PTPN9: variants seen among roughly 807,000 people sequenced by gnomAD.
PTPN9 encodes protein tyrosine phosphatase non-receptor type 9.
In PTPN9, 26 loss-of-function variants were observed where a neutral mutation model predicts 69.8. That is an observed-to-expected ratio of 0.37 (90% confidence interval 0.27 to 0.52). PTPN9 has a LOEUF of 0.52. Among genes scored for constraint, PTPN9 ranks in the 20% least tolerant of loss-of-function variants. PTPN9 has a pLI of 0.91. For synonymous variants in PTPN9, 274 were observed against 272.5 expected (o/e 1.01, Z -0.05); for missense variants, 549 against 740.3 (o/e 0.74, Z 3.00).
rs1294453024 is a variant in PTPN9, at chr15:75,552,403, G to A, written c.64-25142C>T. On this transcript the variant is annotated intron_variant, in intron 1 of 12. Coordinates refer to ENST00000618819, the MANE Select transcript of PTPN9 (RefSeq NM_002833.4). ...GCCTGGGCAACAAGAGGGAAACTCC[G>A]TCTCAAAAAAACAAAACAAAACAAA... Among the ~76,000 whole-genome samples, 4 of 151,922 alleles carry A rather than the reference G, an allele frequency of 2.6e-5. 1 individual carries two copies. The highest frequency in any genetic ancestry group is 7.3e-5 in the African/African-American group (3 of 41,346).
At chr15:75,575,918 C>CAAAAA (rs759810846) in intron 1 of PTPN9, among the ~76,000 whole-genome samples, 2 of 39,278 alleles carry the variant, frequency 5.1e-5, no homozygotes, top group African/African-American at 2.2e-4. Flanking sequence ...GACTCCATCT[C>CAAAAA]AAAAAAAAAA....
chr15:75,523,668 G>C (rs1358530265), intron 3 of PTPN9, among the ~76,000 whole-genome samples: 2 of 152,144 alleles, frequency 1.3e-5, no homozygotes. Flanking sequence ...TAAGTGGAGA[G>C]CTTGCGTTAA....
chr15:75,520,003 G>A (rs750062258), intron 4 of PTPN9, among the ~76,000 whole-genome samples: 1 of 152,130 alleles, frequency 6.6e-6, no homozygotes, highest in Non-Finnish European at 1.5e-5. Flanking sequence ...ATTAGTACGT[G>A]CCTGTGGTCC....
intron 1 of PTPN9, among the ~76,000 whole-genome samples, chr15:75,566,067 T>C (rs76122921): frequency 0.019 from 2,882 of 152,206 alleles, 95 homozygotes; most frequent in African/African-American, 0.065. Flanking sequence ...CCACTATTTA[T>C]TGAGCATTTT....
chr15:75,506,119 T>G, intron 6 of PTPN9, 116 bp from the exon 7 acceptor site: 5 of 773,398 alleles, frequency 6.5e-6, no homozygotes, highest in Non-Finnish European at 1.0e-5. Flanking sequence ...TTTCTTGAAA[T>G]ACAAGGTATA....
In PTPN9 at chr15:75,470,702, G is replaced by A. The variant is rs552177179; in HGVS notation, c.1337C>T (p.Thr446Met). 14 of 1,614,086 alleles carry A rather than the reference G, an allele frequency of 8.7e-6. No individual in the cohort carries two copies. Among genetic ancestry groups the A allele is most frequent in the East Asian group, 4.5e-5 (2 of 44,878 alleles). The change falls in exon 11 of 13, where the codon ACG becomes ATG. Residue 446 changes from threonine (T) to methionine (M), a missense_variant. Coordinates refer to ENST00000618819, the MANE Select transcript of PTPN9 (RefSeq NM_002833.4). ...TACCTCTGTGTTGTGAATTTCTAGC[G>A]TTGTTTTCTTATAATGATTCATGTT... ...VENMNHYKKT[T>M]LEIHNTEERQ...
At chr15:75,552,918 G>T (rs889310790) in intron 1 of PTPN9, among the ~76,000 whole-genome samples, 1 of 151,536 alleles carries the variant, frequency 6.6e-6, no homozygotes, top group African/African-American at 2.4e-5. Flanking sequence ...AAATCCAAAA[G>T]ATCAAAACTG....
At chr15:75,544,104 A>G (rs749623375) in intron 1 of PTPN9, among the ~76,000 whole-genome samples, 5 of 152,252 alleles carry the variant, frequency 3.3e-5, no homozygotes, top group Non-Finnish European at 7.3e-5. Context: ...CAGAGACAAC[A>G]GAGGAAATAG....
chr15:75,525,811 C>T (rs1244154791), intron 2 of PTPN9, among the ~76,000 whole-genome samples: 3 of 151,160 alleles, frequency 2.0e-5, no homozygotes, highest in Non-Finnish European at 4.4e-5. Flanking sequence ...CCCAGCTACT[C>T]GGGAGGCTAA....
At chr15:75,559,409 C>A (rs1174023601) in intron 1 of PTPN9, among the ~76,000 whole-genome samples, 1 of 152,122 alleles carries the variant, frequency 6.6e-6, no homozygotes, top group East Asian at 1.9e-4. Context: ...TGGGAGACTC[C>A]ATTTTGTTCT....
At chr15:75,493,871 T>A (rs901004517) in intron 7 of PTPN9, among the ~76,000 whole-genome samples, 3 of 152,126 alleles carry the variant, frequency 2.0e-5, no homozygotes, top group Non-Finnish European at 4.4e-5. Context: ...CTTGTTTTTG[T>A]AAATGAAGTT....
intron 1 of PTPN9, among the ~76,000 whole-genome samples, chr15:75,563,068 G>A (rs947771138): frequency 7.9e-5 from 12 of 152,052 alleles, no homozygotes; most frequent in African/African-American, 2.9e-4. Flanking sequence ...ACAGCTTTTT[G>A]ATCCTCGCCC....
intron 5 of PTPN9, 45 bp from the exon 6 acceptor site, chr15:75,509,072 A>C (rs1291759459): frequency 2.7e-6 from 4 of 1,501,080 alleles, no homozygotes; most frequent in Non-Finnish European, 3.7e-6. Context: ...GGAACCTGTG[A>C]CTCTTCAAGC....
intron 4 of PTPN9, among the ~76,000 whole-genome samples, chr15:75,520,741 C>T (rs1444877099): frequency 6.6e-6 from 1 of 151,556 alleles, no homozygotes. Context: ...GTCTCAAACT[C>T]CCGACCTCAG....
At chr15:75,518,466 T>TAAAA (rs111475133) in intron 4 of PTPN9, among the ~76,000 whole-genome samples, 4 of 128,268 alleles carry the variant, frequency 3.1e-5, no homozygotes, top group Non-Finnish European at 6.7e-5. Flanking sequence ...TGACTCTATT[T>TAAAA]AAAAAAAAAA....
chr15:75,508,982 G>A lies in PTPN9; in HGVS notation c.574C>T (p.Pro192Ser). The change falls in exon 6 of 13, where the codon CCC (proline) becomes TCC (serine). Residue 192 changes from proline to serine, a missense_variant. Physicochemically the swap from Pro to Ser is moderately conservative, Grantham distance 74 (BLOSUM62 -1). Transcript: ENST00000618819. ...GAATAGGGCACTCGGAACCATATGG[G>A]TGCCCCCACAATCAGCACCTTCTTC... Reference protein sequence around the residue: ...RLKKVLIVGAPIWFRVPYSII... With the variant: ...RLKKVLIVGASIWFRVPYSII... 6.2e-7 allele frequency: 1 copy of A among 1,614,104 alleles called. No individual in the cohort carries two copies. Among genetic ancestry groups the A allele is most frequent in the Non-Finnish European group, 8.5e-7 (1 of 1,179,986 alleles).
At chr15:75,568,494 T>A (rs1595972872) in intron 1 of PTPN9, among the ~76,000 whole-genome samples, 1 of 127,086 alleles carries the variant, frequency 7.9e-6, no homozygotes, top group Non-Finnish European at 1.6e-5. Context: ...GGTGACAGAG[T>A]GAGACCTTGT....
chr15:75,567,022 T>C (rs1164701960), intron 1 of PTPN9, among the ~76,000 whole-genome samples: 7 of 151,196 alleles, frequency 4.6e-5, no homozygotes, highest in Non-Finnish European at 5.9e-5. Flanking sequence ...TTTTTTCTTT[T>C]TTTTTTTTTT....
At chr15:75,574,942 CA>C (rs771896991) in intron 1 of PTPN9, among the ~76,000 whole-genome samples, 10,941 of 27,100 alleles carry the variant, frequency 0.4, 2,991 homozygotes, top group Non-Finnish European at 0.56. Context: ...AACTCTGTCT[CA>C]AAAAAAAAAA....
Sources: gnomAD v4.1 joint callset for allele counts (sites outside exome capture counted in the v4.1 genomes callset) on GRCh38, gnomAD v4.1.1 for gene constraint, MANE v1.5 for transcripts, NCBI Gene and HGNC (gene_info 2026-07-23, HGNC 2026-07-21) for gene names.